The following PKMYT1 variants were observed in gnomAD, a reference collection of about 807,000 sequenced individuals.
PKMYT1 encodes protein kinase, membrane associated tyrosine/threonine 1, also known as membrane-associated tyrosine- and threonine-specific cdc2-inhibitory kinase.
Under a neutral mutation model 49.7 loss-of-function variants are expected in PKMYT1, and 35 were observed. That is an observed-to-expected ratio of 0.70 (90% CI 0.54 to 0.93). PKMYT1 has a LOEUF of 0.93. Among genes scored for constraint, PKMYT1 ranks in the 40% least tolerant of loss-of-function variants. PKMYT1 has a pLI of 0.00. For synonymous variants in PKMYT1, 331 were observed against 287.6 expected (o/e 1.15, Z -1.53); for missense variants, 677 against 673.1 (o/e 1.01, Z -0.06).
rs746638792 is a variant in PKMYT1, at chr16:2,974,262, C to T, written c.1135G>A (p.Gly379Arg). ...GAGCTTACCTGCCACAGGGCCCACC[C>T]TCGGCTCAGGGCCTCCGCTGCCATG... ...WCMAAEALSR[G>R]WALWQALLAL... The change falls in exon 6 of 9, where the codon GGG becomes AGG. Residue 379 changes from glycine (G) to arginine (R), a missense_variant. Gly to Arg is a moderately radical substitution (Grantham distance 125). Transcript: ENST00000262300. The T allele has an allele frequency of 3.8e-6, 6 of 1,568,934 alleles. No homozygotes were observed. The Admixed American group carries it at 1.1e-4, about 29-fold the overall frequency.
chr16:2,979,401 G>A (rs559193987), intron 2 of PKMYT1: 18 of 550,708 alleles, frequency 3.3e-5, no homozygotes, highest in Non-Finnish European at 4.9e-5. Context: ...GGGAGTACAG[G>A]GGTGAGGGGA....
In PKMYT1 at chr16:2,973,205, A is replaced by G; in HGVS notation, c.1321T>C (p.Ser441Pro). 2 of 1,507,742 alleles carry G rather than the reference A, an allele frequency of 1.3e-6. No individual in the cohort carries two copies. The highest frequency in any genetic ancestry group is 1.8e-6 in the Non-Finnish European group (2 of 1,124,772). 93.4% of individuals were successfully genotyped at this position (1,507,742 alleles called of 1,614,324 possible). The change falls in exon 8 of 9, where the codon TCC (serine) becomes CCC (proline). Residue 441 changes from serine (S) to proline (P), a missense_variant. By Grantham distance (74) the Ser-to-Pro change is moderately conservative. Transcript: ENST00000262300. ...WDDDSLGPSL[S>P]PEAVLARTVG... ...GTCCGGGCCAGGACAGCCTCAGGGGAGAGTGAAGGCCTGCAGGAGGGCAGG... is the reference window on the plus strand; with the variant it reads ...GTCCGGGCCAGGACAGCCTCAGGGGGGAGTGAAGGCCTGCAGGAGGGCAGG...
At position 2,976,808 on chromosome 16, in the gene PKMYT1, C is replaced by T; in HGVS notation, c.234G>A (p.Gln78=). The T allele has an allele frequency of 6.3e-7, 1 of 1,575,690 alleles. No individual in the cohort carries two copies. The highest frequency in any genetic ancestry group is 8.6e-7 in the Non-Finnish European group (1 of 1,159,084). The change falls in exon 3 of 9, where the codon CAG becomes CAA. Residue 78 remains glutamine (Q), a synonymous_variant. Transcript: ENST00000262300. ...PPRTPGWHQL[Q]PRRVSFRGEA... ...CGCCCCGGAATGACACCCGCCGGGG[C>T]TGCAGCTGGTGCCAGCCTGGGGTCC... is the stretch of plus-strand genomic sequence containing the variant.
At chr16:2,976,207 C>G in intron 3 of PKMYT1, 1 of 229,562 alleles carries the variant, frequency 4.4e-6, no homozygotes. Flanking sequence ...TCATACAGGA[C>G]TCATACAAGG....
chr16:2,979,756 G>A lies in PKMYT1; in HGVS notation c.-99C>T. The A allele has an allele frequency of 1.3e-6, 2 of 1,498,596 alleles. No individual in the cohort carries two copies. Among genetic ancestry groups the A allele is most frequent in the South Asian group, 1.2e-5 (1 of 86,820 alleles). 92.8% of individuals were successfully genotyped at this position (1,498,596 alleles called of 1,614,324 possible). ...TGTCCCTGAGCTAAGGCCAGGCGGG[G>A]GTGACCTCCGCAGCTTCCGGGGCCC... is the stretch of plus-strand genomic sequence containing the variant. On this transcript the variant is annotated 5_prime_UTR_variant, in exon 2 of 9. Transcript: ENST00000262300.
intron 2 of PKMYT1, among the ~76,000 whole-genome samples, chr16:2,978,511 G>A (rs937134861): frequency 1.3e-5 from 2 of 152,140 alleles, no homozygotes; most frequent in African/African-American, 2.4e-5. Flanking sequence ...ATTTTAGGAG[G>A]CTGAGGTGAG....
At chr16:2,977,121 G>A in intron 2 of PKMYT1, 90 bp from the exon 3 acceptor site, 1 of 1,562,094 alleles carries the variant, frequency 6.4e-7, no homozygotes, top group South Asian at 1.2e-5. Context: ...ACAGAAGAGA[G>A]CTATGTCTAT....
rs1414434325 is a variant in PKMYT1 at position 2,973,196 on chromosome 16, C to T, written c.1330G>A (p.Ala444Thr). Residue 444 changes from alanine to threonine, a missense_variant, in exon 8 of 9, where the codon GCT (alanine) becomes ACT (threonine). Physicochemically the swap from Ala to Thr is moderately conservative, Grantham distance 58. Coordinates refer to ENST00000262300, the MANE Select transcript of PKMYT1 (RefSeq NM_004203.5). Reference protein sequence around the residue: ...DSLGPSLSPEAVLARTVGSTS... With the variant: ...DSLGPSLSPETVLARTVGSTS... ...CTCCCCACAGTCCGGGCCAGGACAG[C>T]CTCAGGGGAGAGTGAAGGCCTGCAG... is the stretch of plus-strand genomic sequence containing the variant. The T allele has an allele frequency of 1.3e-6, 2 of 1,515,136 alleles. No homozygotes were observed. The highest frequency in any genetic ancestry group is 1.4e-5 in the African/African-American group (1 of 72,896). 93.9% of individuals were successfully genotyped at this position (1,515,136 alleles called of 1,614,324 possible). A position where few individuals can be genotyped will look rare whatever the true frequency, so the allele number is the denominator to read the frequency against.
intron 2 of PKMYT1, among the ~76,000 whole-genome samples, chr16:2,979,132 C>A (rs2072275285): frequency 1.3e-5 from 2 of 151,884 alleles, no homozygotes; most frequent in South Asian, 4.2e-4. Context: ...GTCAAGACTT[C>A]GAGACCAGCC....
At chr16:2,979,576 C>G in intron 2 of PKMYT1, 72 bp downstream of exon 2, 2 of 1,287,694 alleles carry the variant, frequency 1.6e-6, no homozygotes, top group East Asian at 2.3e-5. Context: ...CAGGCCCAAC[C>G]CTGGCACACT....
Position 2,973,924 on chromosome 16 carries a change from A to C in PKMYT1, c.1310+76T>G, listed in dbSNP as rs545116927. 1.2e-5 allele frequency: 18 copies of C among 1,487,242 alleles called. No homozygotes were observed. The African/African-American group carries it at 1.9e-4, about 16-fold the overall frequency. 92.1% of individuals were successfully genotyped at this position (1,487,242 alleles called of 1,614,324 possible). On this transcript the variant is annotated intron_variant, in intron 7 of 8. Transcript: ENST00000262300. ...AGGTTTGTGGGAGTGGTCCCCATTCACCACGAATCTCCATGGAGCCCCGGT... is the reference window on the plus strand; with the variant it reads ...AGGTTTGTGGGAGTGGTCCCCATTCCCCACGAATCTCCATGGAGCCCCGGT...
rs763225442 is a variant in PKMYT1 at position 2,975,707 on chromosome 16, C to G, written c.484G>C (p.Glu162Gln). 1.2e-6 allele frequency: 2 copies of G among 1,607,738 alleles called. No homozygotes were observed. The highest frequency in any genetic ancestry group is 2.2e-5 in the East Asian group (1 of 44,862). ...CAGCATGGGTGCTGCCCCACCTTCTCGTGGCTGCCCACCTCGGCCAACTTG... is the reference window on the plus strand; with the variant it reads ...CAGCATGGGTGCTGCCCCACCTTCTGGTGGCTGCCCACCTCGGCCAACTTG... ...ARKLAEVGSH[E>Q]KVGQHPCCVR... The change falls in exon 4 of 9, where the codon GAG becomes CAG. Residue 162 changes from glutamate to glutamine, a missense_variant. Transcript: ENST00000262300.
At chr16:2,979,522 A>T in intron 2 of PKMYT1, 126 bp downstream of exon 2, 1 of 768,824 alleles carries the variant, frequency 1.3e-6, no homozygotes, top group Non-Finnish European at 2.3e-6. Flanking sequence ...GTCAGGAGCC[A>T]GGGTGTTGGG....
At chr16:2,973,462 A>G (rs1163312632) in intron 7 of PKMYT1, 1 of 1,512,872 alleles carries the variant, frequency 6.6e-7, no homozygotes, top group Admixed American at 2.0e-5. Flanking sequence ...GGCAGATTTG[A>G]AATAAACTTT....
At chr16:2,979,575 C>G in intron 2 of PKMYT1, 73 bp downstream of exon 2, 1 of 1,275,546 alleles carries the variant, frequency 7.8e-7, no homozygotes, top group South Asian at 1.2e-5. Flanking sequence ...CCAGGCCCAA[C>G]CCTGGCACAC....
rs773976953 is a variant in PKMYT1, at chr16:2,975,297, C to A, written c.872+22G>T. ...AGGGCCTCCCACAGCCTGCCAAACA[C>A]CTGGCGTGCCCCGGTCCCCACCTGA... On this transcript the variant is annotated intron_variant, in intron 4 of 8. Transcript: ENST00000262300. 30 of 1,582,196 alleles carry A rather than the reference C, an allele frequency of 1.9e-5. No individual in the cohort carries two copies. The East Asian group carries it at 6.2e-4, about 32-fold the overall frequency.
chr16:2,974,170 G>A lies in PKMYT1; in HGVS notation c.1153-13C>T, dbSNP rs781599244. 1.4e-5 allele frequency: 23 copies of A among 1,592,108 alleles called. No homozygotes were observed. Among genetic ancestry groups the A allele is most frequent in the Non-Finnish European group, 1.8e-5 (21 of 1,169,220 alleles). On this transcript the variant is annotated splice_polypyrimidine_tract_variant and intron_variant, in intron 6 of 8. Transcript: ENST00000262300. ...GGGCAAGCAGGGCCTGTGGGGGAGA[G>A]GAGCTCAGGATGTGGGTGGGCGGAC...
chr16:2,973,101 G>A (rs1194932778), intron 8 of PKMYT1, 37 bp from the exon 9 acceptor site: 12 of 1,569,392 alleles, frequency 7.6e-6, no homozygotes, highest in African/African-American at 2.7e-5. Context: ...GGATCCAAAA[G>A]CTAGCCCTGC....
rs1294870720 is a variant in PKMYT1, at chr16:2,972,958, T to G, written c.1495A>C (p.Thr499Pro). The G allele has an allele frequency of 6.2e-7, 1 of 1,603,990 alleles. No individual in the cohort carries two copies. The highest frequency in any genetic ancestry group is 1.3e-5 in the African/African-American group (1 of 74,912). Residue 499 changes from threonine (T) to proline (P), a missense_variant, in exon 9 of 9, where the codon ACC becomes CCC. Coordinates refer to ENST00000262300, the MANE Select transcript of PKMYT1 (RefSeq NM_004203.5). ...GCAGAGGCAGAGTCTGGGGCTCAGG[T>G]TGGGTCTAGGGTGTCCTCAAACAGG... Reference protein sequence around the residue: ...LSLFEDTLDPT With the variant: ...LSLFEDTLDPP
Sources: allele counts gnomAD v4.1 joint callset (sites outside exome capture counted in the v4.1 genomes callset), GRCh38; gene constraint gnomAD v4.1.1; transcripts MANE v1.5; gene names NCBI Gene and HGNC (gene_info 2026-07-23, HGNC 2026-07-21).